Variants in ZNF567 observed in about 807,000 individuals in gnomAD.
The protein encoded by ZNF567 is zinc finger protein 567.
In ZNF567, 36 loss-of-function variants were observed where a neutral mutation model predicts 53.9. The observed-to-expected ratio is 0.67, with a 90% CI of 0.51 to 0.88. The LOEUF (loss-of-function observed/expected upper bound fraction) is 0.88, where lower values mean the gene tolerates loss of function less well. ZNF567 is among the 40% of genes least tolerant of loss of function. The pLI is 0.00. For missense variants in ZNF567, 619 were observed against 764.7 expected, an observed-to-expected ratio of 0.81 and a Z score of 2.25; for synonymous variants, 224 against 260.4, an observed-to-expected ratio of 0.86 and a Z score of 1.35.
At chr19:36,712,178 C>A in intron 3 of ZNF567, 1 of 436,878 alleles carries the variant, frequency 2.3e-6, no homozygotes, top group Non-Finnish European at 4.2e-6. Flanking sequence ...TCCCATGTAA[C>A]TGGGATTACA....
chr19:36,724,829 C>T (rs1366297495), downstream of ZNF567, among the ~76,000 whole-genome samples: 2 of 151,046 alleles, frequency 1.3e-5, no homozygotes, highest in Non-Finnish European at 3.0e-5. Context: ...GCCTGAGTGA[C>T]AGAGTAAGAC....
chr19:36,701,507 A>G (rs1364826469), intron 3 of ZNF567, among the ~76,000 whole-genome samples: 2 of 151,946 alleles, frequency 1.3e-5, no homozygotes, highest in Non-Finnish European at 2.9e-5. Context: ...TGATCTGTCT[A>G]ATGTTGACAG....
chr19:36,673,697 G>C, the ZNF567 span, among the ~76,000 whole-genome samples: 6,883 of 149,116 alleles, frequency 0.046, 454 homozygotes, highest in African/African-American at 0.14. Context: ...CACAGACACA[G>C]ACACACACAC....
intron 5 of ZNF567, 55 bp downstream of exon 5, chr19:36,712,922 G>A (rs1686837323): frequency 1.4e-6 from 2 of 1,383,380 alleles, no homozygotes; most frequent in Non-Finnish European, 2.0e-6. Context: ...ATTTAAAAGG[G>A]TCAAGTGGGG....
chr19:36,722,901 A>G (rs535718367), downstream of ZNF567, among the ~76,000 whole-genome samples: 4 of 151,756 alleles, frequency 2.6e-5, no homozygotes, highest in African/African-American at 4.9e-5. Context: ...TGCCTTGTCT[A>G]TAATGACTAG....
At chr19:36,722,843 G>A (rs935233371), downstream of ZNF567, among the ~76,000 whole-genome samples, 1 of 152,080 alleles carries the variant, frequency 6.6e-6, no homozygotes, top group South Asian at 2.1e-4. Flanking sequence ...AGACTTGATA[G>A]TAGCACACAG....
At chr19:36,667,082 A>T in the ZNF567 span, among the ~76,000 whole-genome samples, 1 of 152,154 alleles carries the variant, frequency 6.6e-6, no homozygotes, top group African/African-American at 2.4e-5. Flanking sequence ...GTGGCTGAAG[A>T]TAATTTTCGG....
chr19:36,695,064 A>G (rs887825478), intron 3 of ZNF567, among the ~76,000 whole-genome samples, 188 bp downstream of exon 3: 4 of 151,778 alleles, frequency 2.6e-5, no homozygotes, highest in Non-Finnish European at 4.4e-5. Context: ...ATTTTAACCA[A>G]TGTTGACACA....
chr19:36,725,199 A>G (rs1164126436), downstream of ZNF567, among the ~76,000 whole-genome samples: 1 of 151,690 alleles, frequency 6.6e-6, no homozygotes, highest in Non-Finnish European at 1.5e-5. Context: ...CTTTAATTTT[A>G]TTTAATTTTA....
At chr19:36,667,251 T>A in the ZNF567 span, among the ~76,000 whole-genome samples, 169 of 150,454 alleles carry the variant, frequency 1.1e-3, no homozygotes, top group Admixed American at 2.2e-3. Flanking sequence ...TAAAAAAAAA[T>A]TTTTTTTTTG....
At chr19:36,712,137 C>G in intron 3 of ZNF567, 2 of 374,682 alleles carry the variant, frequency 5.3e-6, no homozygotes, top group Non-Finnish European at 5.1e-6. Flanking sequence ...TCCTCCGCCT[C>G]CTGGTTTCAA....
chr19:36,710,835 G>A (rs1176656653), intron 3 of ZNF567, among the ~76,000 whole-genome samples: 1 of 152,106 alleles, frequency 6.6e-6, no homozygotes, highest in African/African-American at 2.4e-5. Context: ...AGCAGGTTGT[G>A]GAATACCATC....
chr19:36,675,866 C>A, the ZNF567 span, among the ~76,000 whole-genome samples: 1 of 151,804 alleles, frequency 6.6e-6, no homozygotes, highest in African/African-American at 2.4e-5. Context: ...AACAAAAACA[C>A]CCAGTATACC....
intron 2 of ZNF567, among the ~76,000 whole-genome samples, chr19:36,692,407 C>A (rs1297203862): frequency 6.6e-6 from 1 of 152,164 alleles, no homozygotes; most frequent in Non-Finnish European, 1.5e-5. Context: ...GAGTCTTGCT[C>A]TGTTGTCCAG....
chr19:36,718,508 T>A (rs535793386), intron 5 of ZNF567, among the ~76,000 whole-genome samples: 44 of 151,380 alleles, frequency 2.9e-4, no homozygotes, highest in South Asian at 1.0e-3. Context: ...CAAAAAAAAA[T>A]AATAATAATT....
At chr19:36,693,425 T>G (rs1168448522) in intron 2 of ZNF567, among the ~76,000 whole-genome samples, 10 of 152,152 alleles carry the variant, frequency 6.6e-5, no homozygotes, top group Non-Finnish European at 1.0e-4. Flanking sequence ...TGCCACTGTA[T>G]TCTAGCCTAG....
chr19:36,694,792 G>C lies in ZNF567; in HGVS notation c.-66-10G>C. On this transcript the variant is annotated splice_polypyrimidine_tract_variant and intron_variant, in intron 2 of 5. Coordinates refer to ENST00000682579, the MANE Select transcript of ZNF567 (RefSeq NM_001322917.1). ...ATGTGGCTTTTTTTGTCTCGGCTTTGCCTCCTTAGGAACTGCCTCTTTTCT... is the reference window on the plus strand; with the variant it reads ...ATGTGGCTTTTTTTGTCTCGGCTTTCCCTCCTTAGGAACTGCCTCTTTTCT... The C allele has an allele frequency of 1.4e-6, 2 of 1,427,286 alleles. No individual in the cohort carries two copies. Among genetic ancestry groups the C allele is most frequent in the African/African-American group, 2.9e-5 (2 of 68,550 alleles). 88.4% of individuals were successfully genotyped at this position (1,427,286 alleles called of 1,614,324 possible). A position where few individuals can be genotyped will look rare whatever the true frequency, so the allele number is the denominator to read the frequency against.
At chr19:36,724,938 T>C (rs1482708240), downstream of ZNF567, among the ~76,000 whole-genome samples, 1 of 152,060 alleles carries the variant, frequency 6.6e-6, no homozygotes, top group Non-Finnish European at 1.5e-5. Flanking sequence ...TAAAACCTTT[T>C]TTGTGGGTGT....
chr19:36,681,413 C>A, the ZNF567 span, among the ~76,000 whole-genome samples: 1 of 152,040 alleles, frequency 6.6e-6, no homozygotes, highest in Non-Finnish European at 1.5e-5. Flanking sequence ...GTTTTTGGGT[C>A]TTTCCCTTGA....
Sources: gnomAD v4.1 joint callset for allele counts (sites outside exome capture counted in the v4.1 genomes callset) on GRCh38, gnomAD v4.1.1 for gene constraint, MANE v1.5 for transcripts, NCBI Gene and HGNC (gene_info 2026-07-23, HGNC 2026-07-21) for gene names.